TMEM120B: variants seen among roughly 807,000 people sequenced by gnomAD.
TMEM120B encodes the protein transmembrane protein 120B.
TMEM120B carries 31 observed loss-of-function variants against 55.5 expected under a neutral mutation model. The observed-to-expected ratio is 0.56, with a 90% CI of 0.42 to 0.75. TMEM120B has a LOEUF of 0.75. Among genes scored for constraint, TMEM120B ranks in the 30% least tolerant of loss-of-function variants. TMEM120B has a pLI of 0.00. For missense variants in TMEM120B, 399 were observed against 425.5 expected (o/e 0.94, Z 0.55); for synonymous variants, 203 against 176.3 (o/e 1.15, Z -1.20).
At position 121,776,225 on chromosome 12, in the gene TMEM120B, T is replaced by C; in HGVS notation, c.*503T>C. 1 of 249,346 alleles carries C rather than the reference T, an allele frequency of 4.0e-6. No homozygotes were observed. The highest frequency in any genetic ancestry group is 7.6e-6 in the Non-Finnish European group (1 of 132,260). 15.4% of individuals were successfully genotyped at this position (249,346 alleles called of 1,614,324 possible). A position where few individuals can be genotyped will look rare whatever the true frequency, so the allele number is the denominator to read the frequency against. ...CCTCCTCGCCCACCCCGCCACGTGG[T>C]GAGGGTTATTTTAAGTTCTCAGAGA... On this transcript the variant is annotated 3_prime_UTR_variant, in exon 12 of 12. Transcript: ENST00000449592.
chr12:121,750,646 AACCCAC>A (rs1351604730), intron 4 of TMEM120B, among the ~76,000 whole-genome samples: 1,327 of 107,530 alleles, frequency 0.012, 43 homozygotes, highest in African/African-American at 0.044. Context: ...CCACACTGCG[AACCCAC>A]ACCCACACCC....
intron 2 of TMEM120B, 144 bp from the exon 3 acceptor site, chr12:121,748,182 G>A (rs1592936688): frequency 3.6e-6 from 1 of 274,090 alleles, no homozygotes; most frequent in African/African-American, 3.2e-5. Flanking sequence ...GGTAGAAGGT[G>A]GGAGGCTGGG....
At chr12:121,766,203 TA>T (rs1409651219) in intron 6 of TMEM120B, among the ~76,000 whole-genome samples, 2 of 152,208 alleles carry the variant, frequency 1.3e-5, no homozygotes, top group Admixed American at 1.3e-4. Flanking sequence ...GGGGAGCAGG[TA>T]GGGGTGGGGA....
At chr12:121,765,518 C>A (rs961557052) in intron 6 of TMEM120B, among the ~76,000 whole-genome samples, 1 of 152,152 alleles carries the variant, frequency 6.6e-6, no homozygotes, top group African/African-American at 2.4e-5. Context: ...GGCCTGTCTC[C>A]CCTTGGTGGT....
Position 121,758,578 on chromosome 12 carries a change from G to A in TMEM120B, c.462-3071G>A, listed in dbSNP as rs192851151. Reference sequence around the variant, plus strand: ...CCATGGAGGAGGACGGCCCAGCCCCGTGCTGTGGTCACCATGGAGGAGGAC... The same window carrying A: ...CCATGGAGGAGGACGGCCCAGCCCCATGCTGTGGTCACCATGGAGGAGGAC... On this transcript the variant is annotated intron_variant, in intron 5 of 11. Coordinates refer to ENST00000449592, the MANE Select transcript of TMEM120B (RefSeq NM_001080825.2). 1,122 of 976,814 alleles carry A rather than the reference G, an allele frequency of 1.1e-3. 18 individuals are homozygous for A. In the African/African-American group the frequency reaches 0.019, roughly 17 times the overall value. The allele number at this position is 976,814 out of a possible 1,614,324, so 60.5% of individuals were successfully genotyped here.
At chr12:121,762,844 C>T (rs900747644) in intron 6 of TMEM120B, among the ~76,000 whole-genome samples, 3 of 152,162 alleles carry the variant, frequency 2.0e-5, no homozygotes, top group Non-Finnish European at 4.4e-5. Context: ...GGTCCCAGTG[C>T]AGTCACTGAG....
In TMEM120B at chr12:121,757,808, G is replaced by A. The variant is rs1171725735; in HGVS notation, c.462-3841G>A. 8.6e-5 allele frequency among the ~76,000 whole-genome samples: 13 copies of A among 152,032 alleles called. No individual in the cohort carries two copies. In the East Asian group the frequency reaches 2.5e-3, roughly 29 times the overall value. ...TGGGATTACAGGCGTGAGCCACCAC[G>A]CCCAGCCGATTTTTTTGTATTTTTA... On this transcript the variant is annotated intron_variant, in intron 5 of 11. Transcript: ENST00000449592.
chr12:121,714,599 G>A (rs959888290), intron 1 of TMEM120B, among the ~76,000 whole-genome samples: 1 of 116,732 alleles, frequency 8.6e-6, no homozygotes, highest in Non-Finnish European at 1.7e-5. Context: ...GTCTTGCTCT[G>A]TCACCAGACT....
At chr12:121,752,061 G>A in intron 4 of TMEM120B, 67 bp from the exon 5 acceptor site, 1 of 1,352,622 alleles carries the variant, frequency 7.4e-7, no homozygotes, top group Non-Finnish European at 1.1e-6. Flanking sequence ...ATGGGGCTGA[G>A]GGCCATGCCC....
chr12:121,759,509 C>G (rs1023089421), intron 5 of TMEM120B, among the ~76,000 whole-genome samples: 4 of 151,576 alleles, frequency 2.6e-5, no homozygotes, highest in African/African-American at 7.3e-5. Context: ...GAAACCCTGT[C>G]TCTGTTGAAA....
At position 121,780,864 on chromosome 12, in the gene TMEM120B, C is replaced by A; in HGVS notation, c.*5142C>A. On this transcript the variant is annotated 3_prime_UTR_variant, in exon 12 of 12. Coordinates refer to ENST00000449592, the MANE Select transcript of TMEM120B (RefSeq NM_001080825.2). ...CGGCTGTGCCCCAGGGTCTTGGCCC[C>A]GGCCCACCTGCATGTAGGTGATGGG... The A allele has an allele frequency of 6.2e-7, 1 of 1,611,064 alleles. No individual in the cohort carries two copies. Among genetic ancestry groups the A allele is most frequent in the Non-Finnish European group, 8.5e-7 (1 of 1,178,784 alleles).
At chr12:121,774,129 T>C (rs1566527437) in intron 9 of TMEM120B, among the ~76,000 whole-genome samples, 1 of 152,126 alleles carries the variant, frequency 6.6e-6, no homozygotes, top group Non-Finnish European at 1.5e-5. Context: ...CTAATTTTTG[T>C]ATTTTTAGTA....
At chr12:121,768,246 A>G (rs1426364749) in intron 6 of TMEM120B, among the ~76,000 whole-genome samples, 1 of 152,192 alleles carries the variant, frequency 6.6e-6, no homozygotes, top group East Asian at 1.9e-4. Context: ...TGGCATCCAG[A>G]TTAGCTGCTG....
chr12:121,771,122 T>C (rs2137380413), intron 7 of TMEM120B, 150 bp downstream of exon 7: 2 of 881,012 alleles, frequency 2.3e-6, no homozygotes, highest in Non-Finnish European at 3.6e-6. Flanking sequence ...TGCGCCGGGC[T>C]GCGCGGGCCC....
chr12:121,779,221 T>A lies in TMEM120B; in HGVS notation c.*3499T>A. The A allele has an allele frequency of 2.0e-6, 1 of 497,256 alleles. No homozygotes were observed. Among genetic ancestry groups the A allele is most frequent in the Non-Finnish European group, 3.7e-6 (1 of 273,014 alleles). 30.8% of individuals were successfully genotyped at this position (497,256 alleles called of 1,614,324 possible). A position where few individuals can be genotyped will look rare whatever the true frequency, so the allele number is the denominator to read the frequency against. ...TGAGTCTGCACTGGGGAGACACTCG[T>A]GGTGGGGGTGGCTGTGATGAGGGCA... On this transcript the variant is annotated 3_prime_UTR_variant, in exon 12 of 12. Coordinates refer to ENST00000449592, the MANE Select transcript of TMEM120B (RefSeq NM_001080825.2).
At position 121,780,708 on chromosome 12, in the gene TMEM120B, T is replaced by C; in HGVS notation, c.*4986T>C. 1.3e-6 allele frequency: 1 copy of C among 761,812 alleles called. No homozygotes were observed. Among genetic ancestry groups the C allele is most frequent in the South Asian group, 1.9e-5 (1 of 53,932 alleles). 47.2% of individuals were successfully genotyped at this position (761,812 alleles called of 1,614,324 possible). ...AAGGATTGGGAGTAGTCGTGTAAAG[T>C]GCTCAGGTCCACAGGCCATCAATAC... On this transcript the variant is annotated 3_prime_UTR_variant, in exon 12 of 12. Coordinates refer to ENST00000449592, the MANE Select transcript of TMEM120B (RefSeq NM_001080825.2).
At chr12:121,734,554 G>A (rs1895068593) in intron 1 of TMEM120B, among the ~76,000 whole-genome samples, 1 of 151,932 alleles carries the variant, frequency 6.6e-6, no homozygotes, top group Non-Finnish European at 1.5e-5. Context: ...CACCACGCCT[G>A]GCCATGAAAG....
rs1016167356 is a variant in TMEM120B, at chr12:121,712,821, C to A, written c.-75C>A. 5 of 1,161,586 alleles carry A rather than the reference C, an allele frequency of 4.3e-6. No individual in the cohort carries two copies. The Admixed American group carries it at 1.7e-4, about 41-fold the overall frequency. The allele number at this position is 1,161,586 out of a possible 1,614,324, so 72.0% of individuals were successfully genotyped here. On this transcript the variant is annotated 5_prime_UTR_variant, in exon 1 of 12. Transcript: ENST00000449592. ...CGAGGGCGGTCGGCGAGCGCGCGGG[C>A]GTGGGGCGCTGGGGGGCCGGTCGGG...
intron 5 of TMEM120B, among the ~76,000 whole-genome samples, chr12:121,757,196 C>G (rs1383493558): frequency 6.6e-6 from 1 of 151,462 alleles, no homozygotes; most frequent in Non-Finnish European, 1.5e-5. Flanking sequence ...GAGTCTCACT[C>G]TGTCACCCAG....
Sources: gnomAD v4.1 joint callset for allele counts (sites outside exome capture counted in the v4.1 genomes callset) on GRCh38, gnomAD v4.1.1 for gene constraint, MANE v1.5 for transcripts, NCBI Gene and HGNC (gene_info 2026-07-23, HGNC 2026-07-21) for gene names.